Variants in SEC14L4 observed in about 807,000 individuals in gnomAD.
The protein encoded by SEC14L4 is SEC14 like lipid binding 4, also known as SEC14-like protein 4.
SEC14L4 carries 42 observed loss-of-function variants against 55.1 expected under a neutral mutation model. The ratio of observed to expected loss-of-function variants is 0.76; its 90% CI spans 0.60 to 0.99. The LOEUF (loss-of-function observed/expected upper bound fraction) is 0.99, where lower values mean the gene tolerates loss of function less well. SEC14L4 is among the 50% of genes least tolerant of loss of function. The pLI is 0.00. For synonymous variants in SEC14L4, 206 were observed against 206.8 expected (o/e 1.00, Z 0.03); for missense variants, 445 against 512.1 (o/e 0.87, Z 1.27).
At chr22:30,497,300 T>C (rs1024046048) in intron 2 of SEC14L4, among the ~76,000 whole-genome samples, 7 of 151,636 alleles carry the variant, frequency 4.6e-5, no homozygotes, top group Admixed American at 4.6e-4. Flanking sequence ...GATCGCATCA[T>C]TGCACTCCAG....
intron 2 of SEC14L4, among the ~76,000 whole-genome samples, 156 bp downstream of exon 2, chr22:30,503,521 C>T (rs926061473): frequency 1.3e-5 from 2 of 152,058 alleles, no homozygotes; most frequent in Admixed American, 6.6e-5. Context: ...CCTCGGCCTC[C>T]CAAAGTGCTG....
chr22:30,492,329 G>A (rs1478063605), intron 8 of SEC14L4, 145 bp downstream of exon 8: 2 of 1,136,942 alleles, frequency 1.8e-6, no homozygotes, highest in Non-Finnish European at 2.6e-6. Context: ...TAGGACCCAA[G>A]GCATTGCCCG....
chr22:30,499,505 A>C (rs1351887850), intron 2 of SEC14L4, among the ~76,000 whole-genome samples: 2 of 151,692 alleles, frequency 1.3e-5, no homozygotes, highest in East Asian at 4.0e-4. Context: ...TCGGAGGCCA[A>C]GGCAGGCAGA....
Position 30,501,868 on chromosome 22 carries a change from TATATATAC to T in SEC14L4, c.130+1801_130+1808del, listed in dbSNP as rs1360038032. On this transcript the variant is annotated intron_variant, in intron 2 of 11. Transcript: ENST00000255858. Reference sequence around the variant, plus strand: ...GCACATATATATATATATATATATATATATATACATACACATACTTTTTTTTTTAAGAC... The same window carrying T: ...GCACATATATATATATATATATATATATACACATACTTTTTTTTTTAAGAC... Among the ~76,000 whole-genome samples the T allele has an allele frequency of 7.0e-5, 10 of 142,104 alleles. No homozygotes were observed. The East Asian group carries it at 1.1e-3, about 15-fold the overall frequency. The allele number at this position is 142,104 out of a possible 152,430, so 93.2% of individuals were successfully genotyped here. A position where few individuals can be genotyped will look rare whatever the true frequency, so the allele number is the denominator to read the frequency against.
At position 30,494,972 on chromosome 22, in the gene SEC14L4, CAGAGTCATAT is replaced by C. The variant is rs1167967090; in HGVS notation, c.424-21_424-12del. On this transcript the variant is annotated splice_polypyrimidine_tract_variant and intron_variant, in intron 5 of 11. Coordinates refer to ENST00000255858, the MANE Select transcript of SEC14L4 (RefSeq NM_174977.4). ...GATCTTCCTGCCCAGCTGCTTGGGA[CAGAGTCATAT>C]AGGTCAGACGACAGCTCCAGCCAGG... is the stretch of plus-strand genomic sequence containing the variant. 3 of 1,611,540 alleles carry C rather than the reference CAGAGTCATAT, an allele frequency of 1.9e-6. No individual in the cohort carries two copies. The East Asian group carries it at 6.7e-5, about 36-fold the overall frequency.
At position 30,490,277 on chromosome 22, in the gene SEC14L4, C is replaced by T. The variant is rs773544320; in HGVS notation, c.1082-31G>A. On this transcript the variant is annotated intron_variant, in intron 11 of 11. Coordinates refer to ENST00000255858, the MANE Select transcript of SEC14L4 (RefSeq NM_174977.4). ...GTGATGGAGAGGTGATCAGGGAGCA[C>T]AAACCCCGCACATCTGCAGGAAGAG... 8 of 1,608,832 alleles carry T rather than the reference C, an allele frequency of 5.0e-6. No homozygotes were observed. In the African/African-American group the frequency reaches 5.3e-5, roughly 11 times the overall value.
intron 7 of SEC14L4, chr22:30,492,782 T>C: frequency 2.0e-6 from 1 of 496,356 alleles, no homozygotes; most frequent in East Asian, 3.4e-5. Context: ...GTTCCTGGCT[T>C]TCAATAAATG....
intron 11 of SEC14L4, 147 bp from the exon 12 acceptor site, chr22:30,490,393 G>A (rs1302453155): frequency 7.6e-7 from 1 of 1,321,172 alleles, no homozygotes; most frequent in Non-Finnish European, 1.0e-6. Context: ...GAAATGAGCT[G>A]TCCAGGACAG....
intron 2 of SEC14L4, among the ~76,000 whole-genome samples, chr22:30,501,852 T>C (rs1343595066): frequency 2.2e-5 from 3 of 139,516 alleles, no homozygotes; most frequent in African/African-American, 8.0e-5. Context: ...CGCACATATA[T>C]ATATATATAT....
At position 30,502,065 on chromosome 22, in the gene SEC14L4, T is replaced by G. The variant is rs137937255; in HGVS notation, c.130+1612A>C. 2.7e-3 allele frequency among the ~76,000 whole-genome samples: 410 copies of G among 151,820 alleles called. 5 individuals are homozygous for G. In the Middle Eastern group the frequency reaches 0.031, roughly 11 times the overall value. On this transcript the variant is annotated intron_variant, in intron 2 of 11. Coordinates refer to ENST00000255858, the MANE Select transcript of SEC14L4 (RefSeq NM_174977.4). Reference sequence around the variant, plus strand: ...TATTTTTGTAGAAATGGGGTTTCACTATGTTGGCCAGGCTGGTCTCGAACT... The same window carrying G: ...TATTTTTGTAGAAATGGGGTTTCACGATGTTGGCCAGGCTGGTCTCGAACT...
intron 2 of SEC14L4, among the ~76,000 whole-genome samples, chr22:30,498,339 G>A (rs540054246): frequency 1.6e-3 from 240 of 152,064 alleles, no homozygotes; most frequent in African/African-American, 4.5e-3. Flanking sequence ...AACTTCAAGC[G>A]ATCTGCCTGC....
intron 2 of SEC14L4, among the ~76,000 whole-genome samples, chr22:30,501,295 C>T (rs1936314112): frequency 6.6e-6 from 1 of 152,144 alleles, no homozygotes; most frequent in African/African-American, 2.4e-5. Flanking sequence ...ACACCCAGCC[C>T]CCTTCCCAAT....
intron 11 of SEC14L4, 106 bp downstream of exon 11, chr22:30,491,467 C>T (rs1223462392): frequency 1.8e-5 from 25 of 1,385,918 alleles, no homozygotes; most frequent in Non-Finnish European, 2.4e-5. Context: ...GCTGGCTCCC[C>T]TGGAGCTTAC....
Position 30,490,032 on chromosome 22 carries a change from C to G in SEC14L4, c.*75G>C, listed in dbSNP as rs958118486. On this transcript the variant is annotated 3_prime_UTR_variant, in exon 12 of 12. Transcript: ENST00000255858. ...TCTCTGCAGCCACCTCCAGCACCACCCTGCCTGGGAAGGCAGGGGTCAGAG... is the reference window on the plus strand; with the variant it reads ...TCTCTGCAGCCACCTCCAGCACCACGCTGCCTGGGAAGGCAGGGGTCAGAG... The G allele has an allele frequency of 1.3e-6, 2 of 1,591,670 alleles. No homozygotes were observed. Among genetic ancestry groups the G allele is most frequent in the Non-Finnish European group, 1.7e-6 (2 of 1,167,930 alleles).
chr22:30,490,869 G>A (rs1935929539), intron 11 of SEC14L4, among the ~76,000 whole-genome samples: 2 of 152,164 alleles, frequency 1.3e-5, no homozygotes, highest in African/African-American at 4.8e-5. Context: ...ACCCCAGGAG[G>A]AATGGGCTGG....
rs575818753 is a variant in SEC14L4, at chr22:30,490,189, G to A, written c.1139C>T (p.Thr380Ile). 2.5e-5 allele frequency: 40 copies of A among 1,614,174 alleles called. No individual in the cohort carries two copies. The South Asian group carries it at 3.3e-4, about 13-fold the overall frequency. Reference sequence around the variant, plus strand: ...CTTGTCGGGAAGCAGCACCTCCACAGTGTAGCTGAGCTTCTTGGCATGCAT... The same window carrying A: ...CTTGTCGGGAAGCAGCACCTCCACAATGTAGCTGAGCTTCTTGGCATGCAT... The part of the protein sequence containing the change: ...SRMHAKKLSY[T>I]VEVLLPDKAS... The change falls in exon 12 of 12, where the codon ACT becomes ATT. Residue 380 changes from threonine to isoleucine, a missense_variant. Coordinates refer to ENST00000255858, the MANE Select transcript of SEC14L4 (RefSeq NM_174977.4).
Position 30,492,505 on chromosome 22 carries a change from C to A in SEC14L4, c.633G>T (p.Glu211Asp). 6.2e-7 allele frequency: 1 copy of A among 1,614,020 alleles called. No homozygotes were observed. Among genetic ancestry groups the A allele is most frequent in the Non-Finnish European group, 8.5e-7 (1 of 1,179,918 alleles). ...AFNLVKSFMSEETRRKIVILG... is the reference protein window; with the variant it reads ...AFNLVKSFMSDETRRKIVILG... ...GAATCACAATCTTCCTGCGTGTCTCCTCACTCATGAACGACTTGACCAAGT... is the reference window on the plus strand; with the variant it reads ...GAATCACAATCTTCCTGCGTGTCTCATCACTCATGAACGACTTGACCAAGT... The change falls in exon 8 of 12, where the codon GAG (glutamate) becomes GAT (aspartate). Residue 211 changes from glutamate to aspartate, a missense_variant. Coordinates refer to ENST00000255858, the MANE Select transcript of SEC14L4 (RefSeq NM_174977.4).
intron 2 of SEC14L4, among the ~76,000 whole-genome samples, chr22:30,501,471 G>C (rs1201508708): frequency 6.6e-6 from 1 of 152,174 alleles, no homozygotes; most frequent in Non-Finnish European, 1.5e-5. Context: ...GAAATCAACT[G>C]TCCCAACTCC....
rs772436197 is a variant in SEC14L4, at chr22:30,495,442, C to T, written c.235G>A (p.Val79Ile). The change falls in exon 5 of 12, where the codon GTC becomes ATC. Residue 79 changes from valine to isoleucine, a missense_variant and splice_region_variant. Val to Ile is a conservative substitution (Grantham distance 29). Transcript: ENST00000255858. ...CCACCCGAGTCATACAGCTGGATGA[C>T]CTGGAAGTGTGGGTAAGGTCCCGAC... ...DNIVTWQPPE[V>I]IQLYDSGGLC... 4.3e-6 allele frequency: 7 copies of T among 1,612,826 alleles called. No individual in the cohort carries two copies. In the East Asian group the frequency reaches 6.7e-5, roughly 15 times the overall value.
Sources: gnomAD v4.1 joint callset for allele counts (sites outside exome capture counted in the v4.1 genomes callset) on GRCh38, gnomAD v4.1.1 for gene constraint, MANE v1.5 for transcripts, NCBI Gene and HGNC (gene_info 2026-07-23, HGNC 2026-07-21) for gene names.